WARS2: variants seen among roughly 807,000 people sequenced by gnomAD.
The protein encoded by WARS2 is tryptophan--tRNA ligase, mitochondrial.
Under a neutral mutation model 36.5 loss-of-function variants are expected in WARS2, and 28 were observed. The observed-to-expected ratio is 0.77, with a 90% CI of 0.57 to 1.05. WARS2 has a LOEUF of 1.05. Ranked by LOEUF, WARS2 falls within the 50% of genes least tolerant of loss-of-function variation. The probability of loss-of-function intolerance (pLI) is 0.00; values close to 1 mark genes in which losing one functional copy is unlikely to be tolerated. For synonymous variants in WARS2, 174 were observed against 178.4 expected (o/e 0.98, Z 0.20); for missense variants, 435 against 456.8 (o/e 0.95, Z 0.44).
In WARS2 at chr1:119,033,239, C is replaced by T. The variant is rs765994519; in HGVS notation, c.755G>A (p.Arg252His). Residue 252 changes from arginine (R) to histidine (H), a missense_variant, in exon 6 of 6, where the codon CGC becomes CAC. By Grantham distance (29) the Arg-to-His change is conservative. Transcript: ENST00000235521. ...DSPEEIVQKFRKAVTDFTSEV... is the reference protein window; with the variant it reads ...DSPEEIVQKFHKAVTDFTSEV... The stretch of plus-strand genomic sequence containing the variant: ...CGAGGTGAAGTCTGTCACAGCCTTG[C>T]GGAATTTCTGCACTATCTCCTCTGG... 5.0e-6 allele frequency: 8 copies of T among 1,614,128 alleles called. No homozygotes were observed. The highest frequency in any genetic ancestry group is 3.3e-5 in the Admixed American group (2 of 60,016).
chr1:119,096,230 A>C (rs1465107826), intron 1 of WARS2, among the ~76,000 whole-genome samples: 1 of 152,216 alleles, frequency 6.6e-6, no homozygotes, highest in Non-Finnish European at 1.5e-5. Context: ...CATGTATTTC[A>C]ATTGTAAAGT....
At chr1:119,073,705 A>C (rs1401690559) in intron 2 of WARS2, among the ~76,000 whole-genome samples, 1 of 152,226 alleles carries the variant, frequency 6.6e-6, no homozygotes, top group African/African-American at 2.4e-5. Flanking sequence ...GTCCCTCCTT[A>C]ATGGGGAAGT....
chr1:119,057,221 C>T (rs1649897180), intron 2 of WARS2, among the ~76,000 whole-genome samples: 1 of 151,966 alleles, frequency 6.6e-6, no homozygotes, highest in African/African-American at 2.4e-5. Flanking sequence ...TCTCGGCTGA[C>T]TGAAACCTCT....
rs142018953 is a variant in WARS2 at position 119,070,935 on chromosome 1, C to T, written c.348+5415G>A. On this transcript the variant is annotated intron_variant, in intron 2 of 5. Coordinates refer to ENST00000235521, the MANE Select transcript of WARS2 (RefSeq NM_015836.4). ...TGGTGGCTCATGCCTGTAATCCCAG[C>T]GCTTTGGGAGGCTAAGGTGGACAGA... is the stretch of plus-strand genomic sequence containing the variant. Among the ~76,000 whole-genome samples the T allele has an allele frequency of 6.4e-3, 973 of 152,102 alleles. 11 individuals carry two copies. The highest frequency in any genetic ancestry group is 0.033 in the Admixed American group (498 of 15,288).
intron 1 of WARS2, chr1:119,082,376 G>A (rs1571332255): frequency 1.0e-6 from 1 of 985,352 alleles, no homozygotes; most frequent in African/African-American, 1.7e-5. Flanking sequence ...TTTTGCACAT[G>A]TATTTTCCTT....
At chr1:119,085,248 C>T in intron 1 of WARS2, 3 of 878,256 alleles carry the variant, frequency 3.4e-6, no homozygotes, top group Non-Finnish European at 5.8e-6. Flanking sequence ...CTTCAGCTCC[C>T]TCTCTCGGTT....
intron 1 of WARS2, among the ~76,000 whole-genome samples, chr1:119,080,923 T>A (rs952574972): frequency 6.6e-5 from 10 of 152,216 alleles, no homozygotes; most frequent in Non-Finnish European, 1.2e-4. Flanking sequence ...CAACCTACAA[T>A]TCCATCACAG....
At chr1:119,140,512 C>G in intron 1 of WARS2, 43 bp downstream of exon 1, 1 of 1,588,142 alleles carries the variant, frequency 6.3e-7, no homozygotes, top group Non-Finnish European at 8.6e-7. Flanking sequence ...AGAAGAACCT[C>G]GCGGGATGGG....
At chr1:119,073,301 G>T (rs1294640348) in intron 2 of WARS2, among the ~76,000 whole-genome samples, 2 of 151,808 alleles carry the variant, frequency 1.3e-5, no homozygotes, top group South Asian at 4.1e-4. Flanking sequence ...TTTTAAAAAG[G>T]GGGAAAGAAA....
rs765746988 is a variant in WARS2, at chr1:119,140,611, G to A, written c.34C>T (p.Arg12Cys). ...ALHSMRKARE[R>C]WSFIRALHKG... is the part of the protein sequence containing the mutation. ...TGAAGTGCCCGGATGAAGCTCCAGC[G>A]CTCACGCGCTTTCCGCATTGAGTGC... The change falls in exon 1 of 6, where the codon CGC (arginine) becomes TGC (cysteine). Residue 12 changes from arginine (R) to cysteine (C), a missense_variant. Coordinates refer to ENST00000235521, the MANE Select transcript of WARS2 (RefSeq NM_015836.4). The A allele has an allele frequency of 8.7e-6, 14 of 1,613,894 alleles. No homozygotes were observed. In the Admixed American group the frequency reaches 1.0e-4, roughly 12 times the overall value.
intron 1 of WARS2, among the ~76,000 whole-genome samples, chr1:119,090,516 T>C (rs1571344239): frequency 6.6e-6 from 1 of 152,208 alleles, no homozygotes; most frequent in South Asian, 2.1e-4. Flanking sequence ...GATTTCCTTT[T>C]TGACTTTTTG....
intron 1 of WARS2, among the ~76,000 whole-genome samples, chr1:119,115,972 C>G (rs751766221): frequency 1.3e-5 from 2 of 152,160 alleles, no homozygotes; most frequent in Admixed American, 1.3e-4. Context: ...GACTCTCACA[C>G]CCTCACTAAA....
At chr1:119,070,981 G>A (rs1336997928) in intron 2 of WARS2, among the ~76,000 whole-genome samples, 1 of 151,866 alleles carries the variant, frequency 6.6e-6, no homozygotes, top group Non-Finnish European at 1.5e-5. Flanking sequence ...TCAGGAGTTC[G>A]AGACCAGCCT....
chr1:119,116,443 A>G (rs1230484527), intron 1 of WARS2, among the ~76,000 whole-genome samples: 1 of 152,208 alleles, frequency 6.6e-6, no homozygotes, highest in Non-Finnish European at 1.5e-5. Context: ...CACATTGTGA[A>G]CTTTGGCTCC....
At chr1:119,101,811 T>C (rs941111773) in intron 1 of WARS2, among the ~76,000 whole-genome samples, 3 of 152,078 alleles carry the variant, frequency 2.0e-5, no homozygotes, top group African/African-American at 7.2e-5. Flanking sequence ...AAACCACAAA[T>C]ATTCCAGAGC....
In WARS2 at chr1:119,110,245, G is replaced by C. The variant is rs114696262; in HGVS notation, c.90+30310C>G. The stretch of plus-strand genomic sequence containing the variant: ...CTGATGCATTTTCTTTCTTTATGTA[G>C]CTCCAAATTTCAGACCTATATCAAT... On this transcript the variant is annotated intron_variant, in intron 1 of 5. Coordinates refer to ENST00000235521, the MANE Select transcript of WARS2 (RefSeq NM_015836.4). Among the ~76,000 whole-genome samples, 1,290 of 151,858 alleles carry C rather than the reference G, an allele frequency of 8.5e-3. 16 individuals are homozygous for C. The highest frequency in any genetic ancestry group is 0.03 in the African/African-American group (1,230 of 41,488).
chr1:119,140,234 G>A (rs1656846943), intron 1 of WARS2: 4 of 257,726 alleles, frequency 1.6e-5, no homozygotes. Context: ...AAAACAACCC[G>A]TCTCTGAAAA....
chr1:119,039,454 CAT>C (rs1362859460), intron 4 of WARS2, among the ~76,000 whole-genome samples: 1 of 151,632 alleles, frequency 6.6e-6, no homozygotes, highest in East Asian at 1.9e-4. Flanking sequence ...GAGAGAGAGA[CAT>C]ATACACAGAG....
intron 2 of WARS2, among the ~76,000 whole-genome samples, chr1:119,047,726 GA>G (rs1057158608): frequency 6.6e-6 from 1 of 152,062 alleles, no homozygotes; most frequent in Non-Finnish European, 1.5e-5. Flanking sequence ...GGAGAAAAAG[GA>G]AAAATGGTAT....
Sources: gnomAD v4.1 joint callset for allele counts (sites outside exome capture counted in the v4.1 genomes callset) on GRCh38, gnomAD v4.1.1 for gene constraint, MANE v1.5 for transcripts, NCBI Gene and HGNC (gene_info 2026-07-23, HGNC 2026-07-21) for gene names.